The following USP7 variants were observed in gnomAD, a reference collection of about 807,000 sequenced individuals.
The protein encoded by USP7 is ubiquitin specific peptidase 7.
A neutral mutation model predicts 162.9 loss-of-function variants in USP7; 9 were observed. That is an observed-to-expected ratio of 0.06 (90% CI 0.03 to 0.10). USP7 has a LOEUF of 0.10. USP7 is among the 10% of genes least tolerant of loss of function. USP7 has a pLI of 1.00. For synonymous variants in USP7, 562 were observed against 475.9 expected (o/e 1.18, Z -2.35); for missense variants, 715 against 1,373.7 (o/e 0.52, Z 7.58).
intron 1 of USP7, among the ~76,000 whole-genome samples, chr16:8,955,652 G>A (rs972633947): frequency 3.0e-5 from 4 of 135,152 alleles, no homozygotes; most frequent in African/African-American, 8.1e-5. Flanking sequence ...GTTGCAGTGA[G>A]CCGAGATCAC....
At position 8,894,044 on chromosome 16, in the gene USP7, C is replaced by T. The variant is rs2061644345; in HGVS notation, c.3263G>A (p.Arg1088Lys). 1 of 1,614,090 alleles carries T rather than the reference C, an allele frequency of 6.2e-7. No individual in the cohort carries two copies. The highest frequency in any genetic ancestry group is 8.5e-7 in the Non-Finnish European group (1 of 1,180,054). The change falls in exon 31 of 31, where the codon AGG (arginine) becomes AAG (lysine). Residue 1088 changes from arginine to lysine, a missense_variant. Arg to Lys is a conservative substitution (Grantham distance 26). Transcript: ENST00000344836. The part of the protein sequence containing the change: ...GLDHFNKAPK[R>K]SRYTYLEKAI... Reference sequence around the variant, plus strand: ...CTTTTCAAGGTAAGTGTAGCGACTCCTCTTTGGGGCTTTGTTGAAGTGGTC... The same window carrying T: ...CTTTTCAAGGTAAGTGTAGCGACTCTTCTTTGGGGCTTTGTTGAAGTGGTC...
At chr16:8,929,311 C>T (rs80267105) in intron 2 of USP7, 12 of 356,798 alleles carry the variant, frequency 3.4e-5, no homozygotes, top group East Asian at 2.3e-4. Flanking sequence ...CCCTCGTCTA[C>T]GGTGGAAAGC....
At chr16:8,923,143 C>T in intron 3 of USP7, 72 bp downstream of exon 3, 2 of 692,968 alleles carry the variant, frequency 2.9e-6, no homozygotes, top group South Asian at 2.9e-5. Flanking sequence ...TATGTAGAGG[C>T]AGCAAATAAC....
chr16:8,936,651 G>C, intron 1 of USP7: 1 of 1,552,786 alleles, frequency 6.4e-7, no homozygotes, highest in Non-Finnish European at 8.6e-7. Flanking sequence ...CTGGGGGATG[G>C]GGGAGGTTCT....
At chr16:8,904,359 G>A (rs1186841285) in intron 15 of USP7, 76 bp downstream of exon 15, 4 of 1,573,726 alleles carry the variant, frequency 2.5e-6, no homozygotes, top group East Asian at 2.3e-5. Context: ...AGGGGTGGGG[G>A]CTGACCTGCA....
intron 1 of USP7, among the ~76,000 whole-genome samples, chr16:8,954,606 G>C (rs1050167192): frequency 6.6e-6 from 1 of 152,206 alleles, no homozygotes; most frequent in Non-Finnish European, 1.5e-5. Context: ...GCTTTCTACA[G>C]AGATGAAGAC....
chr16:8,954,660 T>C (rs755052186), intron 1 of USP7, among the ~76,000 whole-genome samples: 8 of 152,190 alleles, frequency 5.3e-5, no homozygotes, highest in Non-Finnish European at 1.2e-4. Flanking sequence ...ATGTATTCAT[T>C]TGAGGTTTGC....
At chr16:8,923,103 C>T (rs912593162) in intron 3 of USP7, 112 bp downstream of exon 3, 32 of 515,264 alleles carry the variant, frequency 6.2e-5, no homozygotes, top group Middle Eastern at 5.7e-4. Flanking sequence ...AAGAGAAACA[C>T]GTATTTAATC....
chr16:8,939,943 C>CA (rs1424054753), intron 1 of USP7, among the ~76,000 whole-genome samples: 4 of 152,110 alleles, frequency 2.6e-5, no homozygotes, highest in Admixed American at 6.6e-5. Flanking sequence ...ACTAAAAATA[C>CA]AAAAATTAGC....
intron 1 of USP7, among the ~76,000 whole-genome samples, chr16:8,933,491 T>C (rs1209689746): frequency 6.6e-6 from 1 of 152,208 alleles, no homozygotes; most frequent in Non-Finnish European, 1.5e-5. Flanking sequence ...ATATTCCCTT[T>C]ACAAAATTCA....
In USP7 at chr16:8,963,255, TCTGCTG is replaced by T. The variant is rs749570604; in HGVS notation, c.25_30del (p.Gln9_Gln10del). The T allele has an allele frequency of 2.0e-5, 28 of 1,372,818 alleles. No individual in the cohort carries two copies. The highest frequency in any genetic ancestry group is 7.7e-5 in the Admixed American group (3 of 38,726). 85.0% of individuals were successfully genotyped at this position (1,372,818 alleles called of 1,614,324 possible). ...TCGCTCAACTGCTGCTCGCCCGCTT[TCTGCTG>T]CTGCTGCTGCTGCTGGTGGTTCATG... On this transcript the variant is annotated inframe_deletion, in exon 1 of 31. Coordinates refer to ENST00000344836, the MANE Select transcript of USP7 (RefSeq NM_003470.3).
intron 2 of USP7, among the ~76,000 whole-genome samples, chr16:8,928,273 G>C (rs1362251478): frequency 1.3e-5 from 2 of 152,152 alleles, no homozygotes; most frequent in African/African-American, 4.8e-5. Context: ...CTTCTAATGA[G>C]GTGCTTCCCA....
intron 1 of USP7, among the ~76,000 whole-genome samples, chr16:8,945,493 T>C (rs892665454): frequency 6.6e-6 from 1 of 152,210 alleles, no homozygotes; most frequent in Non-Finnish European, 1.5e-5. Flanking sequence ...CAGTTCAACC[T>C]ATAAACCAAC....
intron 11 of USP7, 75 bp from the exon 12 acceptor site, chr16:8,908,525 C>T: frequency 1.5e-6 from 2 of 1,307,904 alleles, no homozygotes; most frequent in Non-Finnish European, 2.1e-6. Context: ...AACAGCGGTT[C>T]AGCAAGATTG....
chr16:8,937,085 G>A (rs1404755794), intron 1 of USP7, among the ~76,000 whole-genome samples: 1 of 152,158 alleles, frequency 6.6e-6, no homozygotes, highest in African/African-American at 2.4e-5. Flanking sequence ...TAACAAGCAG[G>A]AGGAATAATT....
At chr16:8,920,526 C>T in intron 4 of USP7, 79 bp from the exon 5 acceptor site, 1 of 1,218,402 alleles carries the variant, frequency 8.2e-7, no homozygotes, top group Non-Finnish European at 1.2e-6. Context: ...CATTAGTGCC[C>T]TGTACTTAAT....
chr16:8,962,660 G>C, intron 1 of USP7: 1 of 211,614 alleles, frequency 4.7e-6, no homozygotes, highest in South Asian at 5.2e-5. Flanking sequence ...TCCAAAACCT[G>C]ACAACATCTG....
intron 30 of USP7, 59 bp downstream of exon 30, chr16:8,894,491 G>C: frequency 2.5e-6 from 4 of 1,572,300 alleles, no homozygotes; most frequent in Middle Eastern, 2.3e-4. Context: ...CCCAGCCCCA[G>C]ACCACTTGTT....
intron 1 of USP7, among the ~76,000 whole-genome samples, chr16:8,942,688 C>T (rs1343956214): frequency 6.6e-6 from 1 of 152,134 alleles, no homozygotes; most frequent in African/African-American, 2.4e-5. Flanking sequence ...GCTGGGACTA[C>T]AGGCGCACAC....
Sources: allele counts gnomAD v4.1 joint callset (sites outside exome capture counted in the v4.1 genomes callset), GRCh38; gene constraint gnomAD v4.1.1; transcripts MANE v1.5; gene names NCBI Gene and HGNC (gene_info 2026-07-23, HGNC 2026-07-21).